The following TMPRSS5 variants were observed in gnomAD, a reference collection of about 807,000 sequenced individuals.
The protein encoded by TMPRSS5 is transmembrane protease serine 5.
Under a neutral mutation model 59.7 loss-of-function variants are expected in TMPRSS5, and 45 were observed. The observed-to-expected ratio is 0.75, with a 90% CI of 0.59 to 0.97. The LOEUF (loss-of-function observed/expected upper bound fraction) is 0.97, where lower values mean the gene tolerates loss of function less well. Ranked by LOEUF, TMPRSS5 falls within the 50% of genes least tolerant of loss-of-function variation. The probability of loss-of-function intolerance (pLI) is 0.00; values close to 1 mark genes in which losing one functional copy is unlikely to be tolerated. For synonymous variants in TMPRSS5, 225 were observed against 232.0 expected (o/e 0.97, Z 0.27); for missense variants, 585 against 596.7 (o/e 0.98, Z 0.20).
chr11:113,694,396 G>A (rs1340242095), intron 8 of TMPRSS5, 82 bp downstream of exon 8: 22 of 1,455,196 alleles, frequency 1.5e-5, no homozygotes, highest in South Asian at 1.4e-4. Context: ...AGTTGGACAC[G>A]AACATTTGAT....
chr11:113,700,749 G>T (rs1165621072), intron 1 of TMPRSS5, among the ~76,000 whole-genome samples: 1 of 152,214 alleles, frequency 6.6e-6, no homozygotes, highest in Non-Finnish European at 1.5e-5. Context: ...AGCACTATAT[G>T]TTAAGTGACA....
Position 113,695,484 on chromosome 11 carries a change from G to A in TMPRSS5, c.579-41C>T, listed in dbSNP as rs558763766. 2.1e-4 allele frequency: 330 copies of A among 1,605,958 alleles called. 2 individuals carry two copies. In the South Asian group the frequency reaches 2.4e-3, roughly 11 times the overall value. Reference sequence around the variant, plus strand: ...ACCAACAAGAAGCTGGGCAGGGGCCGCCCTGCAGCCACACACATCCAAGGA... The same window carrying A: ...ACCAACAAGAAGCTGGGCAGGGGCCACCCTGCAGCCACACACATCCAAGGA... On this transcript the variant is annotated intron_variant, in intron 6 of 12. Coordinates refer to ENST00000299882, the MANE Select transcript of TMPRSS5 (RefSeq NM_030770.4).
intron 6 of TMPRSS5, among the ~76,000 whole-genome samples, chr11:113,695,905 T>C (rs1008152787): frequency 6.6e-6 from 1 of 152,176 alleles, no homozygotes; most frequent in Non-Finnish European, 1.5e-5. Flanking sequence ...TGCATATTCA[T>C]ATTCTTGCTC....
chr11:113,690,390 GA>G lies in TMPRSS5; in HGVS notation c.1064-18del. 2 of 1,597,688 alleles carry G rather than the reference GA, an allele frequency of 1.3e-6. No homozygotes were observed. The highest frequency in any genetic ancestry group is 1.7e-4 in the Middle Eastern group (1 of 6,018). ...AGCTGTAAGCTATGAGAGACACCGA[GA>G]AAAACTGCAGGGCACAAAGCAAGGC... is the stretch of plus-strand genomic sequence containing the variant. On this transcript the variant is annotated intron_variant, in intron 10 of 12. Coordinates refer to ENST00000299882, the MANE Select transcript of TMPRSS5 (RefSeq NM_030770.4).
At chr11:113,699,268 T>TCTCTCTCC (rs1953043347) in intron 3 of TMPRSS5, among the ~76,000 whole-genome samples, 1 of 66,728 alleles carries the variant, frequency 1.5e-5, no homozygotes, top group African/African-American at 6.7e-5. Flanking sequence ...TCTCTCTCTC[T>TCTCTCTCC]CTCCCTCTCT....
Position 113,688,136 on chromosome 11 carries a change from A to G in TMPRSS5, c.*124T>C, listed in dbSNP as rs1212124733. ...TGGGTAGTGACTGTTCCTCACACAC[A>G]GTAGTAGGAGGTCCATGCGTTCTGT... On this transcript the variant is annotated 3_prime_UTR_variant, in exon 13 of 13. Coordinates refer to ENST00000299882, the MANE Select transcript of TMPRSS5 (RefSeq NM_030770.4). 1.8e-5 allele frequency: 25 copies of G among 1,392,496 alleles called. No individual in the cohort carries two copies. The East Asian group carries it at 6.5e-4, about 36-fold the overall frequency. The allele number at this position is 1,392,496 out of a possible 1,614,324, so 86.3% of individuals were successfully genotyped here. A position where few individuals can be genotyped will look rare whatever the true frequency, so the allele number is the denominator to read the frequency against.
At chr11:113,700,015 GC>G in intron 2 of TMPRSS5, 50 bp downstream of exon 2, 1 of 1,551,148 alleles carries the variant, frequency 6.4e-7, no homozygotes. Flanking sequence ...TAGGATGATT[GC>G]CCTCCACTGT....
At chr11:113,690,812 T>C (rs1263845627) in intron 10 of TMPRSS5, 29 bp downstream of exon 10, 3 of 1,554,430 alleles carry the variant, frequency 1.9e-6, no homozygotes, top group Non-Finnish European at 2.6e-6. Context: ...CACCCGCCCC[T>C]GCACCGAGGG....
rs1445000623 is a variant in TMPRSS5, at chr11:113,687,666, A to C, written c.*594T>G. ...TCTTGTTTTCCAGTGTACCCACCCC[A>C]CACAGGGCCAGCCACAGCCAGGTGA... On this transcript the variant is annotated 3_prime_UTR_variant, in exon 13 of 13. Coordinates refer to ENST00000299882, the MANE Select transcript of TMPRSS5 (RefSeq NM_030770.4). The C allele has an allele frequency of 6.5e-6, 1 of 152,688 alleles. No individual in the cohort carries two copies. The highest frequency in any genetic ancestry group is 1.5e-5 in the Non-Finnish European group (1 of 68,474). 9.5% of individuals were successfully genotyped at this position (152,688 alleles called of 1,614,324 possible). A position where few individuals can be genotyped will look rare whatever the true frequency, so the allele number is the denominator to read the frequency against.
In TMPRSS5 at chr11:113,691,830, G is replaced by A. The variant is rs573256034; in HGVS notation, c.965-891C>T. On this transcript the variant is annotated intron_variant, in intron 9 of 12. Coordinates refer to ENST00000299882, the MANE Select transcript of TMPRSS5 (RefSeq NM_030770.4). ...CTACTACTTAGATACTAATATAGTC[G>A]TATTTTTCTTTTAAATACACTTATT... Among the ~76,000 whole-genome samples the A allele has an allele frequency of 8.2e-5, 12 of 147,232 alleles. No homozygotes were observed. In the South Asian group the frequency reaches 1.1e-3, roughly 13 times the overall value.
chr11:113,705,476 A>T (rs1423081941), intron 1 of TMPRSS5, among the ~76,000 whole-genome samples: 3 of 152,178 alleles, frequency 2.0e-5, no homozygotes, highest in African/African-American at 7.2e-5. Flanking sequence ...CCCAGGACCT[A>T]TAGGACTGGA....
chr11:113,690,174 C>G, intron 11 of TMPRSS5, 57 bp downstream of exon 11: 1 of 770,516 alleles, frequency 1.3e-6, no homozygotes, highest in Non-Finnish European at 2.1e-6. Context: ...AGCAGGCCCC[C>G]TGCCCTCCCA....
intron 3 of TMPRSS5, among the ~76,000 whole-genome samples, chr11:113,699,262 T>TCCC (rs370060093): frequency 1.1e-5 from 1 of 93,262 alleles, no homozygotes; most frequent in Non-Finnish European, 2.0e-5. Context: ...TCTCTCTCTC[T>TCCC]CTCTCTCTCC....
chr11:113,699,801 A>T, intron 2 of TMPRSS5, 108 bp from the exon 3 acceptor site: 1 of 1,398,478 alleles, frequency 7.2e-7, no homozygotes, highest in Non-Finnish European at 9.9e-7. Context: ...CTCCAACAGG[A>T]CACCTCCTCC....
intron 4 of TMPRSS5, among the ~76,000 whole-genome samples, chr11:113,698,168 G>A (rs914054806): frequency 3.3e-5 from 5 of 152,134 alleles, no homozygotes; most frequent in African/African-American, 1.2e-4. Context: ...ACAGCACCTT[G>A]ATCTTGGACT....
At chr11:113,698,599 C>T (rs1356954764) in intron 4 of TMPRSS5, among the ~76,000 whole-genome samples, 1 of 152,198 alleles carries the variant, frequency 6.6e-6, no homozygotes, top group East Asian at 1.9e-4. Flanking sequence ...CACACACACA[C>T]ACCTGATCCC....
chr11:113,706,177 A>T, intron 1 of TMPRSS5, 45 bp downstream of exon 1: 2 of 1,583,566 alleles, frequency 1.3e-6, no homozygotes, highest in Non-Finnish European at 1.7e-6. Context: ...AGAGAAAGAA[A>T]GAGAGAGAGG....
intron 11 of TMPRSS5, 56 bp downstream of exon 11, chr11:113,690,175 T>TCCCCCCCCCCC: frequency 6.3e-6 from 1 of 159,582 alleles, no homozygotes; most frequent in Non-Finnish European, 1.1e-5. Flanking sequence ...GCAGGCCCCC[T>TCCCCCCCCCCC]GCCCTCCCAC....
chr11:113,688,146 G>C lies in TMPRSS5; in HGVS notation c.*114C>G, dbSNP rs1952657055. ...CTGTTCCTCACACACAGTAGTAGGAGGTCCATGCGTTCTGTGTCGGAGGCT... is the reference window on the plus strand; with the variant it reads ...CTGTTCCTCACACACAGTAGTAGGACGTCCATGCGTTCTGTGTCGGAGGCT... On this transcript the variant is annotated 3_prime_UTR_variant, in exon 13 of 13. Coordinates refer to ENST00000299882, the MANE Select transcript of TMPRSS5 (RefSeq NM_030770.4). The C allele has an allele frequency of 3.9e-5, 57 of 1,463,150 alleles. 1 individual carries two copies. The South Asian group carries it at 8.3e-4, about 21-fold the overall frequency. The allele number at this position is 1,463,150 out of a possible 1,614,324, so 90.6% of individuals were successfully genotyped here.
Sources: gnomAD v4.1 joint callset for allele counts (sites outside exome capture counted in the v4.1 genomes callset) on GRCh38, gnomAD v4.1.1 for gene constraint, MANE v1.5 for transcripts, NCBI Gene and HGNC (gene_info 2026-07-23, HGNC 2026-07-21) for gene names.